The following ADA2 variants were observed in gnomAD, a reference collection of about 807,000 sequenced individuals.
ADA2 encodes adenosine deaminase 2.
Under a neutral mutation model 44.2 loss-of-function variants are expected in ADA2, and 29 were observed. That is an observed-to-expected ratio of 0.66 (90% confidence interval 0.49 to 0.89). The LOEUF (loss-of-function observed/expected upper bound fraction) is 0.89. Among genes scored for constraint, ADA2 ranks in the 40% least tolerant of loss-of-function variants. ADA2 has a pLI of 0.00. For synonymous variants in ADA2, 215 were observed against 234.9 expected, an observed-to-expected ratio of 0.92 and a Z score of 0.77; for missense variants, 637 against 644.8, an observed-to-expected ratio of 0.99 and a Z score of 0.13.
In ADA2 at chr22:17,203,650, T is replaced by C. The variant is rs767755760; in HGVS notation, c.666A>G (p.Pro222=). The C allele has an allele frequency of 1.2e-6, 2 of 1,614,040 alleles. No homozygotes were observed. Among genetic ancestry groups the C allele is most frequent in the South Asian group, 1.1e-5 (1 of 91,078 alleles). Reference sequence around the variant, plus strand: ...TCCGGAAGACATAGTCTCTGAACACTGGTGCGTAATGGATGAGACCAGAGA... The same window carrying C: ...TCCGGAAGACATAGTCTCTGAACACCGGTGCGTAATGGATGAGACCAGAGA... The part of the protein sequence containing the change: ...FTISGLIHYA[P]VFRDYVFRSM... The change falls in exon 4 of 10, where the codon CCA becomes CCG. Residue 222 remains proline, a synonymous_variant. Transcript: ENST00000399837.
At chr22:17,191,655 C>T (rs1331718500) in intron 5 of ADA2, 28 bp downstream of exon 5, 16 of 1,610,106 alleles carry the variant, frequency 9.9e-6, no homozygotes, top group Middle Eastern at 1.6e-4. Context: ...CCTCCCAACC[C>T]GAGCTTTTCA....
chr22:17,211,987 A>C (rs1223904833), intron 1 of ADA2, among the ~76,000 whole-genome samples: 1 of 152,094 alleles, frequency 6.6e-6, no homozygotes, highest in Non-Finnish European at 1.5e-5. Flanking sequence ...AACAATTAAC[A>C]GAATGAAGAG....
intron 1 of ADA2, among the ~76,000 whole-genome samples, chr22:17,216,784 A>ACG (rs2062478093): frequency 7.9e-6 from 1 of 127,222 alleles, no homozygotes; most frequent in Non-Finnish European, 1.6e-5. Context: ...ACACACACAC[A>ACG]CACACATATA....
At chr22:17,186,930 G>T (rs1290393727) in intron 7 of ADA2, among the ~76,000 whole-genome samples, 4 of 151,768 alleles carry the variant, frequency 2.6e-5, no homozygotes, top group Non-Finnish European at 4.4e-5. Flanking sequence ...ACTTTGGGAG[G>T]CCTAGACGGG....
chr22:17,190,065 G>T, intron 5 of ADA2, 33 bp from the exon 6 acceptor site: 2 of 1,507,036 alleles, frequency 1.3e-6, no homozygotes, highest in Non-Finnish European at 1.8e-6. Context: ...AGGAGACAGT[G>T]CCCAGCACCG....
At position 17,178,930 on chromosome 22, in the gene ADA2, T is replaced by C. The variant is rs1160164240; in HGVS notation, c.*2553A>G. The C allele has an allele frequency of 6.6e-6, 1 of 152,108 alleles. No homozygotes were observed. The highest frequency in any genetic ancestry group is 2.4e-5 in the African/African-American group (1 of 41,402). The allele number at this position is 152,108 out of a possible 1,614,324, so 9.4% of individuals were successfully genotyped here. A position where few individuals can be genotyped will look rare whatever the true frequency, so the allele number is the denominator to read the frequency against. ...TTCAGGGATTGGGTAAGGCACTGAATCACCTGCAGAGTTAGACAGGACCCT... is the reference window on the plus strand; with the variant it reads ...TTCAGGGATTGGGTAAGGCACTGAACCACCTGCAGAGTTAGACAGGACCCT... On this transcript the variant is annotated 3_prime_UTR_variant, in exon 10 of 10. Coordinates refer to ENST00000399837, the MANE Select transcript of ADA2 (RefSeq NM_001282225.2).
chr22:17,214,703 T>C (rs2062452287), intron 1 of ADA2, among the ~76,000 whole-genome samples: 1 of 152,212 alleles, frequency 6.6e-6, no homozygotes, highest in African/African-American at 2.4e-5. Context: ...CACTGGCCAC[T>C]GAGACAGCAC....
intron 1 of ADA2, among the ~76,000 whole-genome samples, chr22:17,218,964 C>A (rs1372632696): frequency 6.6e-6 from 1 of 152,172 alleles, no homozygotes; most frequent in African/African-American, 2.4e-5. Context: ...CAAGACCAGC[C>A]TGGCCAACAC....
intron 8 of ADA2, 133 bp downstream of exon 8, chr22:17,182,470 CA>C (rs1282957732): frequency 1.1e-6 from 1 of 897,470 alleles, no homozygotes; most frequent in Admixed American, 2.2e-5. Context: ...ACTTTACTAA[CA>C]GGGGTAGGAG....
At position 17,178,842 on chromosome 22, in the gene ADA2, G is replaced by T. The variant is rs2061938357; in HGVS notation, c.*2641C>A. ...AAATCAGAGATCACAGCAAGTCCAG[G>T]CCAGAGGCTGTTTGCGTCTGCCTGT... On this transcript the variant is annotated 3_prime_UTR_variant, in exon 10 of 10. Transcript: ENST00000399837. 6.6e-6 allele frequency: 1 copy of T among 151,960 alleles called. No homozygotes were observed. 9.4% of individuals were successfully genotyped at this position (151,960 alleles called of 1,614,324 possible). A position where few individuals can be genotyped will look rare whatever the true frequency, so the allele number is the denominator to read the frequency against.
chr22:17,185,160 C>T (rs1008989411), intron 7 of ADA2, among the ~76,000 whole-genome samples: 8 of 151,098 alleles, frequency 5.3e-5, no homozygotes, highest in African/African-American at 1.5e-4. Context: ...CACCTGTAAT[C>T]CCACCACTTT....
intron 2 of ADA2, among the ~76,000 whole-genome samples, chr22:17,208,489 C>G (rs1424814139): frequency 6.7e-6 from 1 of 149,476 alleles, no homozygotes; most frequent in Admixed American, 6.7e-5. Context: ...CTGCAAGCTG[C>G]TATTATTTTT....
In ADA2 at chr22:17,201,187, C is replaced by T. The variant is rs1037907278; in HGVS notation, c.753+2376G>A. Among the ~76,000 whole-genome samples, 30 of 148,216 alleles carry T rather than the reference C, an allele frequency of 2.0e-4. 1 individual carries two copies. The Middle Eastern group carries it at 0.014, about 69-fold the overall frequency. On this transcript the variant is annotated intron_variant, in intron 4 of 9. Coordinates refer to ENST00000399837, the MANE Select transcript of ADA2 (RefSeq NM_001282225.2). The stretch of plus-strand genomic sequence containing the variant: ...TCATACCACTACACTCCAGCCTGGG[C>T]GACAGAAATTCTGTCAAAAAAAAAA...
intron 1 of ADA2, among the ~76,000 whole-genome samples, chr22:17,212,279 G>A (rs1028418733): frequency 1.1e-4 from 16 of 152,020 alleles, no homozygotes; most frequent in African/African-American, 3.6e-4. Context: ...CACCAGACTC[G>A]GACTCCTAAA....
At chr22:17,205,103 C>T (rs781340483) in intron 3 of ADA2, among the ~76,000 whole-genome samples, 3 of 151,972 alleles carry the variant, frequency 2.0e-5, no homozygotes, top group African/African-American at 2.4e-5. Context: ...CTGCAACCTC[C>T]GCCTCCCAGG....
chr22:17,194,408 G>A (rs2062163958), intron 4 of ADA2, among the ~76,000 whole-genome samples: 1 of 152,182 alleles, frequency 6.6e-6, no homozygotes, highest in South Asian at 2.1e-4. Flanking sequence ...TGCGGCCATT[G>A]TGTGTCCTTT....
chr22:17,219,997 G>A (rs2062511514), upstream of ADA2, among the ~76,000 whole-genome samples: 1 of 152,064 alleles, frequency 6.6e-6, no homozygotes, highest in Non-Finnish European at 1.5e-5. Context: ...TATTTGTGTT[G>A]GAGGGAGGGT....
chr22:17,189,603 T>C (rs543643479), intron 6 of ADA2, among the ~76,000 whole-genome samples: 85 of 152,222 alleles, frequency 5.6e-4, no homozygotes, highest in African/African-American at 1.7e-3. Context: ...CAGTGTGGGA[T>C]AGAAAAAAGG....
rs752999798 is a variant in ADA2, at chr22:17,209,664, C to T, written c.14G>A (p.Gly5Asp). 6.2e-7 allele frequency: 1 copy of T among 1,612,246 alleles called. No individual in the cohort carries two copies. The highest frequency in any genetic ancestry group is 8.5e-7 in the Non-Finnish European group (1 of 1,179,336). Residue 5 changes from glycine to aspartate, a missense_variant, in exon 2 of 10, where the codon GGC (glycine) becomes GAC (aspartate). Coordinates refer to ENST00000399837, the MANE Select transcript of ADA2 (RefSeq NM_001282225.2). ...GCACAGGGCTGGCCGCTCAGATGGG[C>T]CATCCACCAACATCGGGATGCCTGG... MLVD[G>D]PSERPALCFL...
Sources: gnomAD v4.1 joint callset for allele counts (sites outside exome capture counted in the v4.1 genomes callset) on GRCh38, gnomAD v4.1.1 for gene constraint, MANE v1.5 for transcripts, NCBI Gene and HGNC (gene_info 2026-07-23, HGNC 2026-07-21) for gene names.